PLA2G3: variants seen among roughly 807,000 people sequenced by gnomAD.
PLA2G3 encodes the protein group 3 secretory phospholipase A2.
A neutral mutation model predicts 51.3 loss-of-function variants in PLA2G3; 39 were observed. That is an observed-to-expected ratio of 0.76 (90% CI 0.59 to 0.99). The LOEUF is 0.99. Ranked by LOEUF, PLA2G3 falls within the 50% of genes least tolerant of loss-of-function variation. The pLI, the probability that PLA2G3 is intolerant of heterozygous loss-of-function variation, is 0.00. For synonymous variants in PLA2G3, 293 were observed against 263.1 expected, an observed-to-expected ratio of 1.11 and a Z score of -1.10; for missense variants, 677 against 662.1, an observed-to-expected ratio of 1.02 and a Z score of -0.25.
chr22:31,137,765 C>T lies in PLA2G3; in HGVS notation c.1011G>A (p.Arg337=), dbSNP rs201951496. Residue 337 remains arginine, a synonymous_variant, in exon 4 of 7, where the codon AGG becomes AGA. Coordinates refer to ENST00000215885, the MANE Select transcript of PLA2G3 (RefSeq NM_015715.5). ...GGAGGCCTGTGGGGGCCACATCAAG[C>T]CTGGGAGAGACCATAGGGTCCTGGA... ...TALQDPMVSP[R]LDVAPTGLQG... 7.4e-6 allele frequency: 12 copies of T among 1,613,664 alleles called. No individual in the cohort carries two copies. The highest frequency in any genetic ancestry group is 1.0e-5 in the Non-Finnish European group (12 of 1,179,974).
chr22:31,138,051 C>T (rs1922690882), intron 3 of PLA2G3, 58 bp from the exon 4 acceptor site: 1 of 1,496,700 alleles, frequency 6.7e-7, no homozygotes, highest in Admixed American at 2.2e-5. Flanking sequence ...CAGAAGCCCC[C>T]AGGGTCGTCT....
chr22:31,137,546 C>T (rs985816521), intron 4 of PLA2G3, among the ~76,000 whole-genome samples, 164 bp downstream of exon 4: 2 of 152,090 alleles, frequency 1.3e-5, no homozygotes, highest in South Asian at 2.1e-4. Context: ...TGGTCAAATT[C>T]GTGGATTATG....
intron 6 of PLA2G3, 84 bp downstream of exon 6, chr22:31,136,599 C>G: frequency 1.9e-6 from 2 of 1,056,780 alleles, no homozygotes; most frequent in Non-Finnish European, 2.9e-6. Flanking sequence ...TTCCCCTACC[C>G]CTTGGCCCAA....
chr22:31,138,645 G>A, intron 2 of PLA2G3, 22 bp downstream of exon 2: 2 of 1,613,914 alleles, frequency 1.2e-6, no homozygotes, highest in Non-Finnish European at 1.7e-6. Context: ...TGAGCTCTGG[G>A]CCCTCGCTGC....
Position 31,136,771 on chromosome 22 carries a change from G to A in PLA2G3, c.1228C>T (p.Pro410Ser), listed in dbSNP as rs1922591597. ...RLARFLRLHS[P>S]PEVTNMLWEL... ...CAAAGCATGTTGGTAACCTCGGGTG[G>A]GCTGTGGAGCCTCAGGAAGCGTGCC... is the stretch of plus-strand genomic sequence containing the variant. Residue 410 changes from proline (P) to serine (S), a missense_variant, in exon 6 of 7, where the codon CCA becomes TCA. Pro to Ser is a moderately conservative substitution (Grantham distance 74). Transcript: ENST00000215885. 7.4e-6 allele frequency: 12 copies of A among 1,612,932 alleles called. No individual in the cohort carries two copies. Among genetic ancestry groups the A allele is most frequent in the Middle Eastern group, 1.7e-4 (1 of 6,054 alleles).
At chr22:31,137,581 T>C (rs1922649350) in intron 4 of PLA2G3, 129 bp downstream of exon 4, 3 of 856,436 alleles carry the variant, frequency 3.5e-6, no homozygotes, top group Non-Finnish European at 5.5e-6. Flanking sequence ...CAGTGTGATT[T>C]CATGGGAGAG....
At chr22:31,136,856 C>A (rs374359733) in intron 5 of PLA2G3, 52 bp downstream of exon 5, 1 of 1,602,090 alleles carries the variant, frequency 6.2e-7, no homozygotes, top group Non-Finnish European at 8.5e-7. Flanking sequence ...GGGGCCCCTT[C>A]CCATGCCTGG....
intron 6 of PLA2G3, 75 bp downstream of exon 6, chr22:31,136,608 A>C: frequency 8.5e-7 from 1 of 1,172,888 alleles, no homozygotes; most frequent in East Asian, 2.3e-5. Flanking sequence ...CCCTTGGCCC[A>C]AGCATTCAAA....
At chr22:31,137,129 T>G in intron 4 of PLA2G3, 89 bp from the exon 5 acceptor site, 1 of 1,268,736 alleles carries the variant, frequency 7.9e-7, no homozygotes, top group Non-Finnish European at 1.1e-6. Context: ...CACCAGCACG[T>G]GTGCTCAGTC....
chr22:31,140,125 G>A lies in PLA2G3; in HGVS notation c.230C>T (p.Pro77Leu), dbSNP rs1484046826. The change falls in exon 1 of 7, where the codon CCG becomes CTG. Residue 77 changes from proline (P) to leucine (L), a missense_variant. Physicochemically the swap from Pro to Leu is moderately conservative, Grantham distance 98. Coordinates refer to ENST00000215885, the MANE Select transcript of PLA2G3 (RefSeq NM_015715.5). ...AGCACCGTAGGCTGCGGTGAGCTCC[G>A]GCTCATCCTCCCAGCTACATGACTG... Reference protein sequence around the residue: ...RLQSCSWEDEPELTAAYGALC... With the variant: ...RLQSCSWEDELELTAAYGALC... The A allele has an allele frequency of 2.2e-5, 36 of 1,612,872 alleles. No individual in the cohort carries two copies. Among genetic ancestry groups the A allele is most frequent in the Middle Eastern group, 1.6e-4 (1 of 6,072 alleles).
At chr22:31,138,983 G>A (rs929722206) in intron 1 of PLA2G3, among the ~76,000 whole-genome samples, 184 bp from the exon 2 acceptor site, 5 of 152,152 alleles carry the variant, frequency 3.3e-5, no homozygotes, top group Non-Finnish European at 5.9e-5. Context: ...TTCAAAGCTG[G>A]AAAAGAGAAG....
chr22:31,140,018 T>C lies in PLA2G3; in HGVS notation c.337A>G (p.Ser113Gly). ...ELQRALATLQ[S>G]QWEACRALEE... ...AGCGCTCGGCATGCCTCCCACTGAC[T>C]CTGAAGAGTGGCCAGTGCTCTCTGC... is the stretch of plus-strand genomic sequence containing the variant. Residue 113 changes from serine (S) to glycine (G), a missense_variant, in exon 1 of 7, where the codon AGT becomes GGT. Physicochemically the swap from Ser to Gly is moderately conservative, Grantham distance 56. Coordinates refer to ENST00000215885, the MANE Select transcript of PLA2G3 (RefSeq NM_015715.5). The C allele has an allele frequency of 6.2e-7, 1 of 1,613,730 alleles. No individual in the cohort carries two copies. The highest frequency in any genetic ancestry group is 8.5e-7 in the Non-Finnish European group (1 of 1,180,026).
chr22:31,139,654 G>T (rs559058294), intron 1 of PLA2G3, among the ~76,000 whole-genome samples, 187 bp downstream of exon 1: 1 of 152,026 alleles, frequency 6.6e-6, no homozygotes. Flanking sequence ...TTCCCCAACC[G>T]TGACCTCATT....
At chr22:31,138,620 A>G in intron 2 of PLA2G3, 47 bp downstream of exon 2, 1 of 1,609,014 alleles carries the variant, frequency 6.2e-7, no homozygotes, top group Non-Finnish European at 8.5e-7. Flanking sequence ...GAACTGGGTA[A>G]CTCTGCCCTG....
chr22:31,136,546 A>G, intron 6 of PLA2G3, 137 bp downstream of exon 6: 2 of 690,380 alleles, frequency 2.9e-6, no homozygotes, highest in Non-Finnish European at 5.0e-6. Context: ...CAGGGGGTAG[A>G]GGGATGAGGC....
chr22:31,136,539 G>T (rs539182382), intron 6 of PLA2G3, 144 bp downstream of exon 6: 4 of 664,864 alleles, frequency 6.0e-6, no homozygotes, highest in South Asian at 3.9e-5. Flanking sequence ...GGGGCAGCAG[G>T]GGGTAGAGGG....
At chr22:31,138,556 TC>T in intron 2 of PLA2G3, 110 bp downstream of exon 2, 1 of 1,514,758 alleles carries the variant, frequency 6.6e-7, no homozygotes, top group South Asian at 1.2e-5. Flanking sequence ...CACTGTGGGG[TC>T]CAAGCTGGCT....
intron 5 of PLA2G3, 26 bp from the exon 6 acceptor site, chr22:31,136,825 G>A (rs776850057): frequency 3.8e-5 from 61 of 1,601,472 alleles, no homozygotes; most frequent in African/African-American, 6.7e-5. Flanking sequence ...GGCTCAGGCC[G>A]GGGCAGGGCC....
rs1323543574 is a variant in PLA2G3 at position 31,135,534 on chromosome 22, G to T, written c.*189C>A. The T allele has an allele frequency of 4.7e-5, 28 of 601,724 alleles. 1 individual carries two copies. In the South Asian group the frequency reaches 5.3e-4, roughly 11 times the overall value. The allele number at this position is 601,724 out of a possible 1,614,324, so 37.3% of individuals were successfully genotyped here. A position where few individuals can be genotyped will look rare whatever the true frequency, so the allele number is the denominator to read the frequency against. Reference sequence around the variant, plus strand: ...AGAGTTGTGTCATACATAGCTCAAGGTTACCCAGAACAGCAGGAGATGTGG... The same window carrying T: ...AGAGTTGTGTCATACATAGCTCAAGTTTACCCAGAACAGCAGGAGATGTGG... On this transcript the variant is annotated 3_prime_UTR_variant, in exon 7 of 7. Transcript: ENST00000215885.
Sources: allele counts gnomAD v4.1 joint callset (sites outside exome capture counted in the v4.1 genomes callset), GRCh38; gene constraint gnomAD v4.1.1; transcripts MANE v1.5; gene names NCBI Gene and HGNC (gene_info 2026-07-23, HGNC 2026-07-21).